TSEN2: variants seen among roughly 807,000 people sequenced by gnomAD.
The protein encoded by TSEN2 is tRNA-splicing endonuclease subunit Sen2.
In TSEN2, 54 loss-of-function variants were observed where a neutral mutation model predicts 59.2. The observed-to-expected ratio is 0.91, with a 90% CI of 0.73 to 1.14. TSEN2 has a LOEUF of 1.14. Among genes scored for constraint, TSEN2 ranks in the 50% most tolerant of loss-of-function variants. TSEN2 has a pLI of 0.00. For missense variants in TSEN2, 636 were observed against 576.2 expected, an observed-to-expected ratio of 1.10 and a Z score of -1.06; for synonymous variants, 195 against 198.2, an observed-to-expected ratio of 0.98 and a Z score of 0.14.
chr3:12,501,015 T>C (rs2054233412), intron 4 of TSEN2, among the ~76,000 whole-genome samples: 1 of 152,216 alleles, frequency 6.6e-6, no homozygotes, highest in Non-Finnish European at 1.5e-5. Context: ...AAAAATATAT[T>C]GTCACAAAAA....
At chr3:12,533,749 A>G (rs1392297988), downstream of TSEN2, 1 of 151,744 alleles carries the variant, frequency 6.6e-6, no homozygotes, top group African/African-American at 2.4e-5. Flanking sequence ...TACTTAGGCT[A>G]AGGTGGTAGC....
intron 8 of TSEN2, among the ~76,000 whole-genome samples, chr3:12,521,629 C>G (rs1302259379): frequency 6.6e-6 from 1 of 152,112 alleles, no homozygotes; most frequent in Non-Finnish European, 1.5e-5. Flanking sequence ...GCACGAGAAT[C>G]TCTTGAACTT....
intron 4 of TSEN2, among the ~76,000 whole-genome samples, chr3:12,503,047 G>A (rs953123784): frequency 6.6e-6 from 1 of 151,784 alleles, no homozygotes; most frequent in African/African-American, 2.4e-5. Flanking sequence ...CTCCAGCCTG[G>A]CAACAGAGCA....
Position 12,531,598 on chromosome 3 carries a change from C to T in TSEN2, c.1277C>T (p.Pro426Leu). Residue 426 changes from proline to leucine, a missense_variant, in exon 11 of 12, where the codon CCC becomes CTC. Physicochemically the swap from Pro to Leu is moderately conservative, Grantham distance 98 (BLOSUM62 -3). Transcript: ENST00000284995. ...KELMLCYLIK[P>L]STMTDKEMES... ...CTTATGCTGTGCTATTTGATTAAAC[C>T]CTCTACTATGACTGACAAGGAAATG... is the stretch of plus-strand genomic sequence containing the variant. The T allele has an allele frequency of 6.2e-7, 1 of 1,612,258 alleles. No homozygotes were observed. Among genetic ancestry groups the T allele is most frequent in the Non-Finnish European group, 8.5e-7 (1 of 1,178,374 alleles).
At chr3:12,508,913 T>G (rs2055124113) in intron 6 of TSEN2, among the ~76,000 whole-genome samples, 1 of 152,170 alleles carries the variant, frequency 6.6e-6, no homozygotes, top group African/African-American at 2.4e-5. Flanking sequence ...CAGGCTGGAG[T>G]GCAGTGGCAC....
intron 4 of TSEN2, among the ~76,000 whole-genome samples, chr3:12,497,997 T>C (rs1201480766): frequency 2.6e-5 from 4 of 152,018 alleles, no homozygotes; most frequent in Non-Finnish European, 5.9e-5. Flanking sequence ...GATGCATCAC[T>C]CTAATCTCTG....
At position 12,490,008 on chromosome 3, in the gene TSEN2, G is replaced by T. The variant is rs1303725927; in HGVS notation, c.189+19G>T. On this transcript the variant is annotated intron_variant, in intron 2 of 11. Coordinates refer to ENST00000284995, the MANE Select transcript of TSEN2 (RefSeq NM_025265.4). ...TGGGAAAGTAAGTGCAGGCAGCCTT[G>T]GTAAGATTACTTTCAGACAACCCTG... 1 of 1,613,102 alleles carries T rather than the reference G, an allele frequency of 6.2e-7. No homozygotes were observed. The highest frequency in any genetic ancestry group is 8.5e-7 in the Non-Finnish European group (1 of 1,179,270).
chr3:12,491,209 C>A (rs969659740), intron 2 of TSEN2, among the ~76,000 whole-genome samples: 1 of 152,140 alleles, frequency 6.6e-6, no homozygotes, highest in Non-Finnish European at 1.5e-5. Context: ...CCAGGCTGGT[C>A]TTGAACCCCT....
chr3:12,500,873 C>T (rs2054218753), intron 4 of TSEN2, among the ~76,000 whole-genome samples: 1 of 152,158 alleles, frequency 6.6e-6, no homozygotes, highest in South Asian at 2.1e-4. Context: ...AAGAGCAGAG[C>T]AGTGCCCTCT....
intron 6 of TSEN2, among the ~76,000 whole-genome samples, chr3:12,508,409 C>G: frequency 6.6e-6 from 1 of 152,166 alleles, no homozygotes; most frequent in East Asian, 1.9e-4. Flanking sequence ...ACTTGTCTTT[C>G]TGTTTTGGCA....
intron 6 of TSEN2, chr3:12,514,695 AAAT>A (rs1390638499): frequency 6.6e-6 from 1 of 152,218 alleles, no homozygotes; most frequent in Non-Finnish European, 1.5e-5. Context: ...ACACATTTAA[AAAT>A]AATAATAGTG....
Position 12,503,691 on chromosome 3 carries a change from G to A in TSEN2, c.738G>A (p.Leu246=). 6.2e-7 allele frequency: 1 copy of A among 1,612,130 alleles called. No homozygotes were observed. Among genetic ancestry groups the A allele is most frequent in the Non-Finnish European group, 8.5e-7 (1 of 1,179,136 alleles). ...ACGGCAGCCAGCACATCGGCCTCCT[G>A]CATCCTGGGGACAGAGGGCCTGACC... ...HEDGSQHIGL[L]HPGDRGPDHE... The change falls in exon 5 of 12, where the codon CTG becomes CTA. Residue 246 remains leucine (L), a synonymous_variant. Coordinates refer to ENST00000284995, the MANE Select transcript of TSEN2 (RefSeq NM_025265.4).
At chr3:12,511,975 G>A (rs1355484416) in intron 6 of TSEN2, among the ~76,000 whole-genome samples, 1 of 152,160 alleles carries the variant, frequency 6.6e-6, no homozygotes, top group Non-Finnish European at 1.5e-5. Context: ...AAAATTACAG[G>A]CAAAAGATGA....
intron 6 of TSEN2, among the ~76,000 whole-genome samples, chr3:12,511,569 CTTTT>C (rs35466636): frequency 1.4e-5 from 2 of 141,076 alleles, no homozygotes; most frequent in Non-Finnish European, 1.5e-5. Context: ...GATAATTATG[CTTTT>C]TTTTTTTTTT....
chr3:12,518,777 A>G (rs1430342892), intron 7 of TSEN2, among the ~76,000 whole-genome samples: 3 of 150,838 alleles, frequency 2.0e-5, no homozygotes, highest in Non-Finnish European at 2.9e-5. Context: ...AGTTCAGACT[A>G]GCTATGTATG....
chr3:12,518,704 C>CTT (rs11360113), intron 7 of TSEN2, among the ~76,000 whole-genome samples: 1 of 145,480 alleles, frequency 6.9e-6, no homozygotes. Flanking sequence ...TATATTCTCT[C>CTT]TTTTTTTTTT....
chr3:12,519,740 G>A (rs113356412), intron 8 of TSEN2, among the ~76,000 whole-genome samples: 2,815 of 151,816 alleles, frequency 0.019, 47 homozygotes, highest in South Asian at 0.059. Flanking sequence ...GCAAGACTCC[G>A]TCTCAAAAGG....
At chr3:12,486,712 GC>G (rs201897191) in intron 1 of TSEN2, among the ~76,000 whole-genome samples, 3 of 151,802 alleles carry the variant, frequency 2.0e-5, no homozygotes, top group Non-Finnish European at 4.4e-5. Flanking sequence ...ATTAGCAGTC[GC>G]CCCCCCATTT....
At chr3:12,515,101 G>GCT (rs2055919750) in intron 6 of TSEN2, 1 of 152,090 alleles carries the variant, frequency 6.6e-6, no homozygotes, top group South Asian at 2.1e-4. Context: ...AAGGGTCTTG[G>GCT]GGATCCCAGG....
Sources: gnomAD v4.1 joint callset for allele counts (sites outside exome capture counted in the v4.1 genomes callset) on GRCh38, gnomAD v4.1.1 for gene constraint, MANE v1.5 for transcripts, NCBI Gene and HGNC (gene_info 2026-07-23, HGNC 2026-07-21) for gene names.